Variants in ITGA9 observed in about 807,000 individuals in gnomAD.
ITGA9 encodes integrin alpha-9.
A neutral mutation model predicts 127.8 loss-of-function variants in ITGA9; 56 were observed. The observed-to-expected ratio is 0.44, with a 90% CI of 0.35 to 0.55. The LOEUF is 0.55. Among genes scored for constraint, ITGA9 ranks in the 20% least tolerant of loss-of-function variants. The pLI is 0.00. For synonymous variants in ITGA9, 508 were observed against 514.5 expected (o/e 0.99, Z 0.17); for missense variants, 1,196 against 1,347.1 (o/e 0.89, Z 1.76).
chr3:37,480,261 G>A (rs1001894671), intron 3 of ITGA9, among the ~76,000 whole-genome samples: 12 of 152,230 alleles, frequency 7.9e-5, no homozygotes, highest in Non-Finnish European at 1.6e-4. Context: ...ATCCAGGCCT[G>A]CATCCTGGCT....
chr3:37,607,111 T>C (rs1451135558), intron 15 of ITGA9, among the ~76,000 whole-genome samples: 1 of 151,646 alleles, frequency 6.6e-6, no homozygotes, highest in East Asian at 1.9e-4. Context: ...GTCTCCTGAG[T>C]AACTGGATCT....
chr3:37,740,246 G>A (rs962529717), intron 20 of ITGA9, among the ~76,000 whole-genome samples: 16 of 152,232 alleles, frequency 1.1e-4, no homozygotes, highest in African/African-American at 2.6e-4. Context: ...AGGGAACGGC[G>A]TGGTGGGGAA....
intron 9 of ITGA9, among the ~76,000 whole-genome samples, 197 bp downstream of exon 9, chr3:37,514,097 C>A (rs1052521178): frequency 3.9e-5 from 6 of 152,150 alleles, no homozygotes; most frequent in African/African-American, 1.4e-4. Context: ...CTGCAGACAC[C>A]CAGGGGCCAA....
intron 22 of ITGA9, among the ~76,000 whole-genome samples, chr3:37,747,716 CTTTT>C (rs56897652): frequency 2.1e-5 from 3 of 140,070 alleles, no homozygotes; most frequent in Middle Eastern, 3.8e-3. Context: ...CCTTTTTTTT[CTTTT>C]TTTTTTTTGT....
chr3:37,635,400 C>A (rs937411321), intron 16 of ITGA9, among the ~76,000 whole-genome samples: 6 of 151,996 alleles, frequency 3.9e-5, no homozygotes, highest in African/African-American at 1.4e-4. Flanking sequence ...ATATCTTAAT[C>A]TTTTAAATTG....
At chr3:37,549,120 C>T (rs910831696) in intron 15 of ITGA9, among the ~76,000 whole-genome samples, 1 of 152,196 alleles carries the variant, frequency 6.6e-6, no homozygotes, top group African/African-American at 2.4e-5. Context: ...TGACCATCTC[C>T]TCTGGGAGGC....
chr3:37,743,979 T>G lies in ITGA9; in HGVS notation c.2378T>G (p.Phe793Cys). The G allele has an allele frequency of 6.2e-7, 1 of 1,614,188 alleles. No individual in the cohort carries two copies. The highest frequency in any genetic ancestry group is 1.1e-5 in the South Asian group (1 of 91,076). ...VYGESVDAAN[F>C]IQLDDLECHF... ...GGCGAGTCCGTGGACGCAGCCAACTTCATTCAGCTGGATGACCTGGAGTGT... is the reference window on the plus strand; with the variant it reads ...GGCGAGTCCGTGGACGCAGCCAACTGCATTCAGCTGGATGACCTGGAGTGT... The change falls in exon 22 of 28, where the codon TTC becomes TGC. Residue 793 changes from phenylalanine (F) to cysteine (C), a missense_variant. Physicochemically the swap from Phe to Cys is radical, Grantham distance 205. Coordinates refer to ENST00000264741, the MANE Select transcript of ITGA9 (RefSeq NM_002207.3).
chr3:37,676,038 G>T (rs1366144944), intron 17 of ITGA9, among the ~76,000 whole-genome samples: 1 of 151,908 alleles, frequency 6.6e-6, no homozygotes, highest in East Asian at 1.9e-4. Context: ...CATCACGCCC[G>T]GCCCAAAACT....
intron 14 of ITGA9, among the ~76,000 whole-genome samples, chr3:37,537,169 C>A (rs923022084): frequency 1.3e-5 from 2 of 152,196 alleles, no homozygotes; most frequent in African/African-American, 4.8e-5. Context: ...GAGGAGGGGG[C>A]TGGTGCTGCT....
chr3:37,719,063 CAA>C (rs1163754047), intron 18 of ITGA9, among the ~76,000 whole-genome samples: 1 of 152,144 alleles, frequency 6.6e-6, no homozygotes, highest in African/African-American at 2.4e-5. Context: ...TTAGCAAAAA[CAA>C]AGTGTCATAT....
intron 18 of ITGA9, among the ~76,000 whole-genome samples, chr3:37,712,845 G>A (rs1428126106): frequency 6.6e-6 from 1 of 152,134 alleles, no homozygotes; most frequent in Non-Finnish European, 1.5e-5. Context: ...AGTGGGGAGG[G>A]GATGGCTCCC....
intron 27 of ITGA9, chr3:37,807,839 G>A (rs1697317185): frequency 6.6e-6 from 1 of 152,422 alleles, no homozygotes; most frequent in South Asian, 2.1e-4. Context: ...AGTTGGACTT[G>A]AGAGGTCAGG....
At chr3:37,580,762 A>G (rs1461468825) in intron 15 of ITGA9, among the ~76,000 whole-genome samples, 4 of 152,158 alleles carry the variant, frequency 2.6e-5, no homozygotes, top group Non-Finnish European at 5.9e-5. Context: ...GTACAGTAAT[A>G]AGGAATCCTA....
chr3:37,776,384 G>A (rs1696908042), intron 23 of ITGA9, among the ~76,000 whole-genome samples: 1 of 152,094 alleles, frequency 6.6e-6, no homozygotes. Flanking sequence ...TCCCTACCAT[G>A]AATAAAAAGT....
intron 9 of ITGA9, among the ~76,000 whole-genome samples, chr3:37,514,429 A>G (rs1315315949): frequency 2.6e-5 from 4 of 152,154 alleles, no homozygotes; most frequent in Non-Finnish European, 5.9e-5. Flanking sequence ...TTGAAGAAGG[A>G]GTAGGAGTTA....
intron 18 of ITGA9, among the ~76,000 whole-genome samples, chr3:37,700,452 C>T (rs1700934370): frequency 6.6e-6 from 1 of 152,186 alleles, no homozygotes; most frequent in Non-Finnish European, 1.5e-5. Context: ...CTCCCAGGCT[C>T]AAGCGATCCT....
chr3:37,688,848 A>ATAGG (rs1700804539), intron 18 of ITGA9, among the ~76,000 whole-genome samples: 1 of 151,700 alleles, frequency 6.6e-6, no homozygotes. Flanking sequence ...GAATGGTTAG[A>ATAGG]TAGGTAGGTA....
intron 15 of ITGA9, among the ~76,000 whole-genome samples, chr3:37,571,347 A>G (rs960303496): frequency 6.6e-6 from 1 of 152,138 alleles, no homozygotes; most frequent in African/African-American, 2.4e-5. Flanking sequence ...AATGATGATT[A>G]AGATAGGACA....
chr3:37,774,178 T>A (rs1236560731), intron 23 of ITGA9, among the ~76,000 whole-genome samples: 1 of 152,228 alleles, frequency 6.6e-6, no homozygotes, highest in Non-Finnish European at 1.5e-5. Flanking sequence ...ATATTCATGC[T>A]GCTCCCCACA....
Sources: gnomAD v4.1 joint callset for allele counts (sites outside exome capture counted in the v4.1 genomes callset) on GRCh38, gnomAD v4.1.1 for gene constraint, MANE v1.5 for transcripts, NCBI Gene and HGNC (gene_info 2026-07-23, HGNC 2026-07-21) for gene names.